The following DNAH12 variants were observed in gnomAD, a reference collection of about 807,000 sequenced individuals.
The protein encoded by DNAH12 is dynein axonemal heavy chain 12.
Under a neutral mutation model 371.5 loss-of-function variants are expected in DNAH12, and 285 were observed. The ratio of observed to expected loss-of-function variants is 0.77; its 90% CI spans 0.70 to 0.85. The LOEUF (loss-of-function observed/expected upper bound fraction) is 0.85, where lower values mean the gene tolerates loss of function less well. DNAH12 is among the 40% of genes least tolerant of loss of function. DNAH12 has a pLI of 0.00. For synonymous variants in DNAH12, 1,200 were observed against 1,213.0 expected, an observed-to-expected ratio of 0.99 and a Z score of 0.22; for missense variants, 3,611 against 3,689.4, an observed-to-expected ratio of 0.98 and a Z score of 0.55.
At chr3:57,389,822 G>GTATA (rs1191113593) in intron 45 of DNAH12, among the ~76,000 whole-genome samples, 54 of 45,860 alleles carry the variant, frequency 1.2e-3, no homozygotes, top group African/African-American at 2.2e-3. Flanking sequence ...GTGTGTGTGT[G>GTATA]TATATATATA....
chr3:57,302,312 GAAAC>G (rs1291358873), intron 69 of DNAH12, among the ~76,000 whole-genome samples: 4 of 151,678 alleles, frequency 2.6e-5, no homozygotes, highest in African/African-American at 4.8e-5. Context: ...TGCAATGGCT[GAAAC>G]AAACACTGCA....
At chr3:57,528,117 C>T (rs1437806352) in intron 2 of DNAH12, among the ~76,000 whole-genome samples, 3 of 152,034 alleles carry the variant, frequency 2.0e-5, no homozygotes, top group Non-Finnish European at 2.9e-5. Context: ...CAACCTCCGC[C>T]TCCTGGGTTC....
At chr3:57,503,733 G>A (rs143848354) in intron 9 of DNAH12, among the ~76,000 whole-genome samples, 1 of 152,172 alleles carries the variant, frequency 6.6e-6, no homozygotes, top group African/African-American at 2.4e-5. Context: ...GCTCTAGAAA[G>A]AACAAATATC....
intron 43 of DNAH12, chr3:57,402,341 GT>G: frequency 1.1e-5 from 13 of 1,226,380 alleles, no homozygotes; most frequent in Non-Finnish European, 1.4e-5. Context: ...TCATCTCTCT[GT>G]TGGGGCTACA....
chr3:57,294,422 G>A (rs182734832), intron 73 of DNAH12, among the ~76,000 whole-genome samples: 1,630 of 152,128 alleles, frequency 0.011, 25 homozygotes, highest in African/African-American at 0.037. Flanking sequence ...TGATCTGCCC[G>A]CCTCAGCCTC....
At chr3:57,360,924 T>A (rs1419303124) in intron 58 of DNAH12, among the ~76,000 whole-genome samples, 1 of 152,208 alleles carries the variant, frequency 6.6e-6, no homozygotes, top group Admixed American at 6.5e-5. Context: ...CATTTAATTG[T>A]GTAAACTTGG....
rs2065947455 is a variant in DNAH12 at position 57,457,927 on chromosome 3, A to G, written c.3130T>C (p.Leu1044=). 1 of 1,551,690 alleles carries G rather than the reference A, an allele frequency of 6.4e-7. No homozygotes were observed. The highest frequency in any genetic ancestry group is 1.2e-5 in the South Asian group (1 of 84,066). The part of the protein sequence containing the change: ...TKDPLRVQPH[L]KKCFEGIAKL... ...GCAATGCCCTCAAAGCATTTTTTTA[A>G]ATGTGGCTGAACTCTAAGTGGATCT... The change falls in exon 22 of 74, where the codon TTA becomes CTA. Residue 1044 remains leucine (L), a synonymous_variant. Coordinates refer to ENST00000495027, the MANE Select transcript of DNAH12 (RefSeq NM_001366028.2).
At chr3:57,363,523 AAATC>A (rs1366189430) in intron 58 of DNAH12, 67 bp downstream of exon 58, 2 of 152,082 alleles carry the variant, frequency 1.3e-5, no homozygotes, top group Non-Finnish European at 2.9e-5. Flanking sequence ...GACTGGAAAC[AAATC>A]AGGATCTTAA....
chr3:57,498,953 T>C (rs900338514), intron 11 of DNAH12, among the ~76,000 whole-genome samples: 6 of 151,848 alleles, frequency 4.0e-5, no homozygotes, highest in Admixed American at 6.6e-5. Context: ...GAGCCGAGAT[T>C]GCACCACTGC....
intron 69 of DNAH12, among the ~76,000 whole-genome samples, chr3:57,305,842 C>T (rs1003367864): frequency 6.6e-6 from 1 of 152,132 alleles, no homozygotes. Flanking sequence ...CAATTCCTTG[C>T]CTCCACTGTG....
intron 13 of DNAH12, among the ~76,000 whole-genome samples, chr3:57,477,833 G>A (rs891363915): frequency 1.3e-5 from 2 of 152,170 alleles, no homozygotes; most frequent in African/African-American, 2.4e-5. Context: ...TGGACCTCCA[G>A]CAAACTCCAA....
intron 23 of DNAH12, 133 bp from the exon 24 acceptor site, chr3:57,453,536 G>C: frequency 2.7e-6 from 2 of 753,320 alleles, no homozygotes; most frequent in Non-Finnish European, 3.8e-6. Flanking sequence ...TTCAAGCGTG[G>C]TGGCTCATGC....
chr3:57,348,143 A>G (rs1193425167), intron 60 of DNAH12, among the ~76,000 whole-genome samples: 1 of 152,230 alleles, frequency 6.6e-6, no homozygotes, highest in African/African-American at 2.4e-5. Flanking sequence ...TAATGAATAA[A>G]CTGTGGTACA....
chr3:57,433,832 T>G lies in DNAH12; in HGVS notation c.4656-4A>C. The G allele has an allele frequency of 6.6e-7, 1 of 1,518,396 alleles. No homozygotes were observed. The highest frequency in any genetic ancestry group is 8.8e-7 in the Non-Finnish European group (1 of 1,137,014). The allele number at this position is 1,518,396 out of a possible 1,614,324, so 94.1% of individuals were successfully genotyped here. ...AGGCTCTCCTACTAACATAAAACTA[T>G]GAAGGAAAAGAAATAATTATACAAT... On this transcript the variant is annotated splice_region_variant and splice_polypyrimidine_tract_variant and intron_variant, in intron 30 of 73. Coordinates refer to ENST00000495027, the MANE Select transcript of DNAH12 (RefSeq NM_001366028.2).
intron 69 of DNAH12, among the ~76,000 whole-genome samples, chr3:57,302,575 T>A (rs1449390536): frequency 1.2e-4 from 10 of 86,244 alleles, no homozygotes; most frequent in South Asian, 5.2e-4. Flanking sequence ...GTATTTTTTT[T>A]TTTTTTTTTT....
chr3:57,535,247 C>A (rs572670561), intron 2 of DNAH12, among the ~76,000 whole-genome samples: 1 of 152,192 alleles, frequency 6.6e-6, no homozygotes, highest in Admixed American at 6.5e-5. Context: ...CAAAAGTTCA[C>A]GTGTTGGAAA....
intron 60 of DNAH12, among the ~76,000 whole-genome samples, chr3:57,335,352 G>A (rs1244954788): frequency 6.6e-6 from 1 of 152,340 alleles, no homozygotes; most frequent in South Asian, 2.1e-4. Flanking sequence ...AGCAGAGGAG[G>A]AAGATGAATG....
In DNAH12 at chr3:57,502,708, C is replaced by A. The variant is rs142506176; in HGVS notation, c.1087-229G>T. Reference sequence around the variant, plus strand: ...AGGATTACAGGCGCACGCCACCACGCCCAGCTAATTTTTGTATTTTTAGAG... The same window carrying A: ...AGGATTACAGGCGCACGCCACCACGACCAGCTAATTTTTGTATTTTTAGAG... On this transcript the variant is annotated intron_variant, in intron 9 of 73. Transcript: ENST00000495027. Among the ~76,000 whole-genome samples the A allele has an allele frequency of 1.3e-3, 193 of 152,282 alleles. 1 individual carries two copies. The highest frequency in any genetic ancestry group is 4.3e-3 in the African/African-American group (180 of 41,566).
chr3:57,430,308 C>CA (rs533431710), intron 32 of DNAH12, among the ~76,000 whole-genome samples: 48 of 152,064 alleles, frequency 3.2e-4, no homozygotes, highest in Middle Eastern at 6.8e-3. Context: ...CCTATGTTTC[C>CA]AAAAAATAAG....
Sources: allele counts gnomAD v4.1 joint callset (sites outside exome capture counted in the v4.1 genomes callset), GRCh38; gene constraint gnomAD v4.1.1; transcripts MANE v1.5; gene names NCBI Gene and HGNC (gene_info 2026-07-23, HGNC 2026-07-21).